DLGAP4: variants seen among roughly 807,000 people sequenced by gnomAD.
DLGAP4 encodes DLG associated protein 4, also known as disks large-associated protein 4.
In DLGAP4, 18 loss-of-function variants were observed where a neutral mutation model predicts 86.9. The ratio of observed to expected loss-of-function variants is 0.21; its 90% CI spans 0.14 to 0.31. DLGAP4 has a LOEUF of 0.31. Ranked by LOEUF, DLGAP4 falls within the 10% of genes least tolerant of loss-of-function variation. The probability of loss-of-function intolerance (pLI) is 1.00; values close to 1 mark genes in which losing one functional copy is unlikely to be tolerated. For missense variants in DLGAP4, 1,085 were observed against 1,362.6 expected, an observed-to-expected ratio of 0.80 and a Z score of 3.21; for synonymous variants, 548 against 574.3, an observed-to-expected ratio of 0.95 and a Z score of 0.65.
chr20:36,398,827 T>G (rs766393190), intron 2 of DLGAP4, among the ~76,000 whole-genome samples: 7 of 152,186 alleles, frequency 4.6e-5, no homozygotes, highest in South Asian at 2.1e-4. Flanking sequence ...TATGCTGTGG[T>G]TCCTGGGTAT....
intron 6 of DLGAP4, among the ~76,000 whole-genome samples, chr20:36,445,678 G>T (rs2033574347): frequency 6.6e-6 from 1 of 152,142 alleles, no homozygotes; most frequent in African/African-American, 2.4e-5. Context: ...TTACACAGCT[G>T]GGTGGGACAC....
In DLGAP4 at chr20:36,506,078, A is replaced by C. The variant is rs780959292; in HGVS notation, c.2512+5467A>C. 2.0e-5 allele frequency among the ~76,000 whole-genome samples: 3 copies of C among 152,296 alleles called. No individual in the cohort carries two copies. The South Asian group carries it at 6.2e-4, about 32-fold the overall frequency. ...TTTTCATAGTAAGTCTTTAAAACTT[A>C]GTGTATATTTTACTCTTACAGCACA... On this transcript the variant is annotated intron_variant, in intron 10 of 12. Transcript: ENST00000339266.
chr20:36,465,801 T>G (rs2034324441), intron 7 of DLGAP4, among the ~76,000 whole-genome samples: 1 of 152,192 alleles, frequency 6.6e-6, no homozygotes, highest in Admixed American at 6.5e-5. Flanking sequence ...CTGTATGTAT[T>G]TCTTCCTTCC....
chr20:36,479,705 G>A (rs574034163), intron 7 of DLGAP4, among the ~76,000 whole-genome samples: 9 of 152,036 alleles, frequency 5.9e-5, no homozygotes, highest in African/African-American at 1.9e-4. Context: ...AGAGTTAGAG[G>A]GGTGATTGAC....
At chr20:36,307,241 G>A (rs1475669829) in intron 1 of DLGAP4, among the ~76,000 whole-genome samples, 4 of 152,218 alleles carry the variant, frequency 2.6e-5, no homozygotes, top group Non-Finnish European at 5.9e-5. Flanking sequence ...GGCGCCCCGC[G>A]GAGACAGGGG....
At chr20:36,438,385 T>A (rs1385460052) in intron 4 of DLGAP4, among the ~76,000 whole-genome samples, 6 of 147,132 alleles carry the variant, frequency 4.1e-5, no homozygotes, top group African/African-American at 7.5e-5. Flanking sequence ...AAAAAATATA[T>A]ATATATATAT....
chr20:36,367,820 C>CG (rs2030748778), intron 2 of DLGAP4, among the ~76,000 whole-genome samples: 1 of 152,226 alleles, frequency 6.6e-6, no homozygotes, highest in Non-Finnish European at 1.5e-5. Context: ...CTCCAACCGT[C>CG]TGTCTGGGGG....
rs1569509557 is a variant in DLGAP4, at chr20:36,467,013, CT to C, written c.1648+20077del. On this transcript the variant is annotated intron_variant, in intron 7 of 12. Transcript: ENST00000339266. ...TCTGTCTCTGTCTCTCTCTCTCTCT[CT>C]CTCCTCTCTCTCTCTCTCTCTCTCT... Among the ~76,000 whole-genome samples, 339 of 125,932 alleles carry C rather than the reference CT, an allele frequency of 2.7e-3. 1 individual carries two copies. Among genetic ancestry groups the C allele is most frequent in the African/African-American group, 0.011 (326 of 29,078 alleles). 82.6% of individuals were successfully genotyped at this position (125,932 alleles called of 152,430 possible).
Position 36,432,060 on chromosome 20 carries a change from C to A in DLGAP4, c.343C>A (p.His115Asn), listed in dbSNP as rs771828904. 3.1e-6 allele frequency: 5 copies of A among 1,614,072 alleles called. No homozygotes were observed. In the African/African-American group the frequency reaches 6.7e-5, roughly 22 times the overall value. Residue 115 changes from histidine to asparagine, a missense_variant, in exon 3 of 13, where the codon CAC becomes AAC. Physicochemically the swap from His to Asn is moderately conservative, Grantham distance 68. This residue lies in a region of DLGAP4 where 1,082 missense variants were observed against 1,344.1 expected (regional missense o/e 0.81). Transcript: ENST00000339266. The surrounding 1 kb of genome is among the most constrained non-coding windows in gnomAD (Gnocchi z 6.5). ...CCAGTTTGAGAAGCAGCTGCCCATC[C>A]ACCGTGATGGCTTCAGCACCCTCCA... ...LDQFEKQLPI[H>N]RDGFSTLQFP...
chr20:36,327,459 G>A (rs2065226720), intron 1 of DLGAP4, among the ~76,000 whole-genome samples: 1 of 152,162 alleles, frequency 6.6e-6, no homozygotes, highest in Non-Finnish European at 1.5e-5. Flanking sequence ...CAGGAAACGA[G>A]AGGAAGTGTC....
intron 10 of DLGAP4, among the ~76,000 whole-genome samples, chr20:36,520,296 A>G (rs552518403): frequency 6.6e-6 from 1 of 152,194 alleles, no homozygotes; most frequent in African/African-American, 2.4e-5. Flanking sequence ...TATCAGATAC[A>G]TGATTTGCAG....
At chr20:36,461,426 G>A (rs1442545153) in intron 7 of DLGAP4, 46 of 944,350 alleles carry the variant, frequency 4.9e-5, no homozygotes, top group Non-Finnish European at 5.7e-5. Context: ...GGGAGGGGCG[G>A]GGCAGGTGCG....
intron 2 of DLGAP4, among the ~76,000 whole-genome samples, chr20:36,400,864 C>T (rs771537271): frequency 2.0e-5 from 3 of 151,836 alleles, no homozygotes; most frequent in African/African-American, 7.3e-5. Context: ...TGCGGAGTTT[C>T]GAGATGTTTT....
intron 10 of DLGAP4, among the ~76,000 whole-genome samples, chr20:36,507,084 T>C (rs1225094868): frequency 6.6e-6 from 1 of 152,236 alleles, no homozygotes; most frequent in Non-Finnish European, 1.5e-5. Context: ...GTGGATTGCA[T>C]CTACCTTTTG....
chr20:36,452,469 G>A (rs112876116), intron 7 of DLGAP4, among the ~76,000 whole-genome samples: 11 of 151,272 alleles, frequency 7.3e-5, no homozygotes, highest in African/African-American at 1.7e-4. Flanking sequence ...TGTGAGCCAC[G>A]GCACTTGGCC....
intron 10 of DLGAP4, among the ~76,000 whole-genome samples, chr20:36,513,554 C>CAAAAA (rs562398294): frequency 1.7e-4 from 7 of 40,542 alleles, no homozygotes; most frequent in Non-Finnish European, 1.9e-4. Flanking sequence ...GACTCCGTCT[C>CAAAAA]AAAAAAAAAA....
At chr20:36,412,001 G>A (rs1244115494) in intron 2 of DLGAP4, among the ~76,000 whole-genome samples, 3 of 152,104 alleles carry the variant, frequency 2.0e-5, no homozygotes, top group East Asian at 3.8e-4. Flanking sequence ...TCCTGGCTTC[G>A]ACACTCCAGG....
chr20:36,503,847 T>C (rs1459179041), intron 10 of DLGAP4, among the ~76,000 whole-genome samples: 1 of 152,172 alleles, frequency 6.6e-6, no homozygotes, highest in East Asian at 1.9e-4. Context: ...TTGAGGTTCA[T>C]CCATGTTGTA....
At chr20:36,451,578 T>G (rs2033736850) in intron 7 of DLGAP4, among the ~76,000 whole-genome samples, 1 of 152,092 alleles carries the variant, frequency 6.6e-6, no homozygotes, top group Non-Finnish European at 1.5e-5. Flanking sequence ...GTCGAACTCC[T>G]GACCTCAAGT....
Sources: gnomAD v4.1 joint callset for allele counts (sites outside exome capture counted in the v4.1 genomes callset) on GRCh38, gnomAD v4.1.1 for gene constraint, gnomAD v4.1.1 regional missense constraint, Gnocchi (gnomAD v3.1) non-coding constraint, MANE v1.5 for transcripts, NCBI Gene and HGNC (gene_info 2026-07-23, HGNC 2026-07-21) for gene names.